HS2ST1: variants seen among roughly 807,000 people sequenced by gnomAD.
The protein encoded by HS2ST1 is 2-O-sulfotransferase.
In HS2ST1, 18 loss-of-function variants were observed where a neutral mutation model predicts 42.9. The observed-to-expected ratio is 0.42, with a 90% confidence interval of 0.29 to 0.62. The LOEUF (loss-of-function observed/expected upper bound fraction) is 0.62, where lower values mean the gene tolerates loss of function less well. Ranked by LOEUF, HS2ST1 falls within the 20% of genes least tolerant of loss-of-function variation. The pLI, the probability that HS2ST1 is intolerant of heterozygous loss-of-function variation, is 0.21. For synonymous variants in HS2ST1, 146 were observed against 152.9 expected (o/e 0.95, Z 0.33); for missense variants, 334 against 433.8 (o/e 0.77, Z 2.04).
intron 1 of HS2ST1, among the ~76,000 whole-genome samples, chr1:86,985,921 T>A (rs1027315187): frequency 6.6e-6 from 1 of 152,166 alleles, no homozygotes; most frequent in Non-Finnish European, 1.5e-5. Flanking sequence ...CCTGTGTTTT[T>A]GTTTTTTGAA....
At chr1:87,085,867 A>G (rs1370933140) in intron 3 of HS2ST1, among the ~76,000 whole-genome samples, 1 of 151,854 alleles carries the variant, frequency 6.6e-6, no homozygotes, top group Admixed American at 6.6e-5. Flanking sequence ...CTTGTAGTTG[A>G]AAAAATAAGG....
chr1:86,986,383 G>A (rs1041214676), intron 1 of HS2ST1, among the ~76,000 whole-genome samples: 4 of 152,094 alleles, frequency 2.6e-5, no homozygotes, highest in Non-Finnish European at 4.4e-5. Flanking sequence ...CTATCGAAAC[G>A]TGCTATTAAC....
chr1:87,054,915 G>C (rs556161408), intron 1 of HS2ST1, among the ~76,000 whole-genome samples: 1 of 152,132 alleles, frequency 6.6e-6, no homozygotes, highest in Non-Finnish European at 1.5e-5. Flanking sequence ...TCGAGATTTC[G>C]TTACAACAGC....
intron 1 of HS2ST1, among the ~76,000 whole-genome samples, chr1:86,938,994 C>A (rs1258953032): frequency 6.6e-6 from 1 of 152,082 alleles, no homozygotes; most frequent in Non-Finnish European, 1.5e-5. Context: ...AGTACTTGAA[C>A]ATATATAAAG....
At chr1:87,020,379 A>G (rs752487363) in intron 1 of HS2ST1, among the ~76,000 whole-genome samples, 10 of 152,148 alleles carry the variant, frequency 6.6e-5, no homozygotes, top group Non-Finnish European at 1.5e-4. Flanking sequence ...TTGGTCATTC[A>G]CTTTTATGCT....
At chr1:87,014,769 G>A (rs915504523) in intron 1 of HS2ST1, among the ~76,000 whole-genome samples, 2 of 152,124 alleles carry the variant, frequency 1.3e-5, no homozygotes, top group Non-Finnish European at 1.5e-5. Flanking sequence ...CCCAGCAACT[G>A]GCTGTCCAAC....
chr1:86,930,798 A>G (rs1660526959), intron 1 of HS2ST1, among the ~76,000 whole-genome samples: 1 of 152,016 alleles, frequency 6.6e-6, no homozygotes, highest in Non-Finnish European at 1.5e-5. Flanking sequence ...AAAGCACGAA[A>G]AGTTGAGTAT....
intron 1 of HS2ST1, among the ~76,000 whole-genome samples, chr1:86,924,388 C>T (rs895698935): frequency 6.6e-6 from 1 of 152,192 alleles, no homozygotes; most frequent in African/African-American, 2.4e-5. Flanking sequence ...AACAGTGGCC[C>T]TCTTCTCACA....
intron 1 of HS2ST1, among the ~76,000 whole-genome samples, chr1:86,968,570 G>GTT (rs148119068): frequency 2.0e-5 from 3 of 151,500 alleles, no homozygotes; most frequent in Non-Finnish European, 4.4e-5. Context: ...AGGCCCAGCT[G>GTT]TTTTTTTGAC....
chr1:86,972,023 TGTTCA>T (rs1648249243), intron 1 of HS2ST1, among the ~76,000 whole-genome samples: 2 of 152,354 alleles, frequency 1.3e-5, no homozygotes, highest in Admixed American at 1.3e-4. Context: ...ATAGAGAAGA[TGTTCA>T]GTAAAAGTTG....
chr1:87,074,087 T>A (rs1651481724), intron 2 of HS2ST1, among the ~76,000 whole-genome samples: 1 of 152,210 alleles, frequency 6.6e-6, no homozygotes, highest in African/African-American at 2.4e-5. Context: ...GACACAAGAC[T>A]AAGGTTGGCT....
At chr1:87,035,752 T>C (rs948347575) in intron 1 of HS2ST1, among the ~76,000 whole-genome samples, 10 of 152,120 alleles carry the variant, frequency 6.6e-5, no homozygotes, top group African/African-American at 2.4e-4. Context: ...GTTGTGTAAA[T>C]CTTTACCTCC....
At chr1:87,019,243 C>T (rs1649850822) in intron 1 of HS2ST1, among the ~76,000 whole-genome samples, 2 of 152,174 alleles carry the variant, frequency 1.3e-5, no homozygotes, top group African/African-American at 4.8e-5. Flanking sequence ...TTTTATGAAG[C>T]AGGTTGCAGG....
chr1:86,993,004 C>G, intron 1 of HS2ST1: 2 of 1,489,192 alleles, frequency 1.3e-6, no homozygotes, highest in Non-Finnish European at 1.8e-6. Context: ...TTCCTTTCCT[C>G]CCAGTGTGGG....
intron 1 of HS2ST1, among the ~76,000 whole-genome samples, chr1:86,998,011 A>G (rs1003213528): frequency 3.3e-5 from 5 of 152,240 alleles, no homozygotes; most frequent in African/African-American, 9.6e-5. Context: ...ATAATTGTCC[A>G]CTATCTGAAT....
chr1:86,979,976 C>G (rs958496672), intron 1 of HS2ST1, among the ~76,000 whole-genome samples: 3 of 152,250 alleles, frequency 2.0e-5, no homozygotes, highest in Non-Finnish European at 4.4e-5. Flanking sequence ...TATGCTATTT[C>G]TTCTTTGGAA....
chr1:86,963,752 C>CA (rs914586786), intron 1 of HS2ST1, among the ~76,000 whole-genome samples: 15 of 149,230 alleles, frequency 1.0e-4, no homozygotes, highest in Non-Finnish European at 2.2e-4. Context: ...GCGCCCCCCC[C>CA]CCCACCTCCC....
chr1:87,046,558 G>A (rs1479028518), intron 1 of HS2ST1: 3 of 1,573,018 alleles, frequency 1.9e-6, no homozygotes, highest in African/African-American at 2.7e-5. Flanking sequence ...TGTTGATAAT[G>A]GACAAACTAT....
At chr1:87,019,944 A>T (rs1649867180) in intron 1 of HS2ST1, among the ~76,000 whole-genome samples, 1 of 152,228 alleles carries the variant, frequency 6.6e-6, no homozygotes, top group Non-Finnish European at 1.5e-5. Context: ...GTTTGCTCAA[A>T]TCTGTACTAA....
Sources: allele counts gnomAD v4.1 joint callset (sites outside exome capture counted in the v4.1 genomes callset), GRCh38; gene constraint gnomAD v4.1.1; transcripts MANE v1.5; gene names NCBI Gene and HGNC (gene_info 2026-07-23, HGNC 2026-07-21).